The following ROBO1 variants were observed in gnomAD, a reference collection of about 807,000 sequenced individuals.
The protein encoded by ROBO1 is roundabout homolog 1.
Under a neutral mutation model 195.9 loss-of-function variants are expected in ROBO1, and 149 were observed. The ratio of observed to expected loss-of-function variants is 0.76; its 90% CI spans 0.67 to 0.87. ROBO1 has a LOEUF of 0.87. Ranked by LOEUF, ROBO1 falls within the 40% of genes least tolerant of loss-of-function variation. ROBO1 has a pLI of 0.00. For synonymous variants in ROBO1, 816 were observed against 733.2 expected (o/e 1.11, Z -1.82); for missense variants, 1,933 against 2,068.3 (o/e 0.93, Z 1.27).
chr3:79,181,887 A>G (rs2081347041), intron 2 of ROBO1, among the ~76,000 whole-genome samples: 1 of 150,342 alleles, frequency 6.7e-6, no homozygotes. Context: ...TGTCATGCCA[A>G]TGCATTCCAA....
rs116261826 is a variant in ROBO1, at chr3:78,765,692, C to G, written c.500-18792G>C. Among the ~76,000 whole-genome samples, 798 of 152,238 alleles carry G rather than the reference C, an allele frequency of 5.2e-3. 7 individuals are homozygous for G. Among genetic ancestry groups the G allele is most frequent in the African/African-American group, 0.018 (754 of 41,550 alleles). ...GTGTACTGTAAGATAAATATATGAG[C>G]AAGGCAAAGGGATCCAGTCTCATTT... is the stretch of plus-strand genomic sequence containing the variant. On this transcript the variant is annotated intron_variant, in intron 4 of 30. Transcript: ENST00000464233.
At chr3:79,376,618 G>T (rs1478296034) in intron 2 of ROBO1, among the ~76,000 whole-genome samples, 1 of 152,056 alleles carries the variant, frequency 6.6e-6, no homozygotes. Context: ...TTTCTTGCCT[G>T]CCACCATGTA....
At chr3:78,862,701 A>G (rs1157824812) in intron 4 of ROBO1, among the ~76,000 whole-genome samples, 1 of 152,140 alleles carries the variant, frequency 6.6e-6, no homozygotes, top group African/African-American at 2.4e-5. Context: ...TAAATATGTT[A>G]AAAGTTAATC....
intron 10 of ROBO1, among the ~76,000 whole-genome samples, chr3:78,673,756 T>C (rs1172306367): frequency 1.3e-5 from 2 of 150,772 alleles, no homozygotes; most frequent in African/African-American, 4.9e-5. Context: ...TCTATGTTAA[T>C]ATACATAAAT....
At chr3:79,715,333 C>G (rs1576273387) in intron 1 of ROBO1, among the ~76,000 whole-genome samples, 1 of 152,064 alleles carries the variant, frequency 6.6e-6, no homozygotes, top group Non-Finnish European at 1.5e-5. Flanking sequence ...CCAATCAATG[C>G]AGCAAACCTC....
chr3:79,361,266 T>G (rs1027999726), intron 2 of ROBO1, among the ~76,000 whole-genome samples: 1 of 152,134 alleles, frequency 6.6e-6, no homozygotes, highest in East Asian at 1.9e-4. Flanking sequence ...TTTCTACTTA[T>G]GCATCTTTGT....
chr3:79,541,803 GTA>G (rs969841259), intron 2 of ROBO1, among the ~76,000 whole-genome samples: 15 of 121,698 alleles, frequency 1.2e-4, no homozygotes, highest in South Asian at 2.7e-4. Context: ...ACATATATGT[GTA>G]TATATATGTG....
chr3:78,888,626 T>C (rs331182), intron 4 of ROBO1, among the ~76,000 whole-genome samples: 46,789 of 152,082 alleles, frequency 0.31, 7,367 homozygotes, highest in Non-Finnish European at 0.34. Context: ...GTCCTTTCTC[T>C]ACCTTAAAAC....
At chr3:79,766,080 C>G (rs1704969747) in intron 1 of ROBO1, among the ~76,000 whole-genome samples, 1 of 144,306 alleles carries the variant, frequency 6.9e-6, no homozygotes, top group Non-Finnish European at 1.5e-5. Flanking sequence ...AGCCTCCTGC[C>G]CTGCCCTTTC....
At chr3:79,657,850 T>C (rs947943974) in intron 1 of ROBO1, among the ~76,000 whole-genome samples, 8 of 152,028 alleles carry the variant, frequency 5.3e-5, no homozygotes, top group African/African-American at 1.9e-4. Flanking sequence ...GCTTATATAT[T>C]GAAACATTGC....
chr3:79,628,449 C>G (rs983671634), intron 1 of ROBO1, among the ~76,000 whole-genome samples: 21 of 152,030 alleles, frequency 1.4e-4, no homozygotes, highest in African/African-American at 4.6e-4. Flanking sequence ...CACAAGGACA[C>G]AGAGAGGAGA....
At chr3:79,577,775 G>GGT (rs1943538811) in intron 2 of ROBO1, among the ~76,000 whole-genome samples, 1 of 150,590 alleles carries the variant, frequency 6.6e-6, no homozygotes, top group Non-Finnish European at 1.5e-5. Flanking sequence ...TGCTGGGCAT[G>GGT]GTGGCGGGAG....
intron 27 of ROBO1, among the ~76,000 whole-genome samples, 189 bp downstream of exon 27, chr3:78,617,446 C>T (rs1343126571): frequency 2.0e-5 from 3 of 148,912 alleles, no homozygotes; most frequent in Non-Finnish European, 4.5e-5. Flanking sequence ...AAAGCCTTGT[C>T]AAGGAAAAGG....
intron 2 of ROBO1, among the ~76,000 whole-genome samples, chr3:79,525,207 A>G (rs1241476627): frequency 6.6e-6 from 1 of 151,150 alleles, no homozygotes; most frequent in African/African-American, 2.4e-5. Context: ...TAAAATGTCT[A>G]CTAGAATAAG....
chr3:78,630,183 G>T (rs972186169), intron 25 of ROBO1, among the ~76,000 whole-genome samples: 18 of 152,200 alleles, frequency 1.2e-4, no homozygotes, highest in Admixed American at 1.2e-3. Flanking sequence ...ACAAGGTTAT[G>T]TATTGGTCAG....
At chr3:79,320,327 C>T (rs114620128) in intron 2 of ROBO1, among the ~76,000 whole-genome samples, 43 of 152,164 alleles carry the variant, frequency 2.8e-4, no homozygotes, top group African/African-American at 8.9e-4. Flanking sequence ...CCAAAGGCCC[C>T]GTGATCTTTT....
At chr3:79,673,661 AT>A in intron 1 of ROBO1, among the ~76,000 whole-genome samples, 1 of 152,028 alleles carries the variant, frequency 6.6e-6, no homozygotes, top group Non-Finnish European at 1.5e-5. Context: ...TTGGTTCTTT[AT>A]TTTTGAATAG....
At chr3:78,671,394 C>T (rs1051819834) in intron 10 of ROBO1, among the ~76,000 whole-genome samples, 2 of 151,402 alleles carry the variant, frequency 1.3e-5, no homozygotes, top group African/African-American at 2.4e-5. Context: ...TTAAAAGACA[C>T]AAATGTACAA....
chr3:78,786,949 G>A (rs1308252397), intron 4 of ROBO1, among the ~76,000 whole-genome samples: 1 of 152,172 alleles, frequency 6.6e-6, no homozygotes, highest in Non-Finnish European at 1.5e-5. Context: ...ATGAGTCAAC[G>A]AGCCAGCATT....
Sources: gnomAD v4.1 joint callset for allele counts (sites outside exome capture counted in the v4.1 genomes callset) on GRCh38, gnomAD v4.1.1 for gene constraint, MANE v1.5 for transcripts, NCBI Gene and HGNC (gene_info 2026-07-23, HGNC 2026-07-21) for gene names.